METRNL: variants seen among roughly 807,000 people sequenced by gnomAD.
METRNL encodes the protein meteorin like, glial cell differentiation regulator.
In METRNL, 9 loss-of-function variants were observed where a neutral mutation model predicts 17.4. That is an observed-to-expected ratio of 0.52 (90% confidence interval 0.31 to 0.90). METRNL has a LOEUF of 0.90. Ranked by LOEUF, METRNL falls within the 40% of genes least tolerant of loss-of-function variation. The pLI, the probability that METRNL is intolerant of heterozygous loss-of-function variation, is 0.05. For synonymous variants in METRNL, 215 were observed against 199.3 expected, an observed-to-expected ratio of 1.08 and a Z score of -0.66; for missense variants, 408 against 430.7, an observed-to-expected ratio of 0.95 and a Z score of 0.47.
rs1204914516 is a variant in METRNL at position 83,081,310 on chromosome 17, C to T, written c.170+1325C>T. Among the ~76,000 whole-genome samples the T allele has an allele frequency of 2.0e-5, 3 of 152,272 alleles. No homozygotes were observed. In the Middle Eastern group the frequency reaches 0.01, roughly 525 times the overall value. The stretch of plus-strand genomic sequence containing the variant: ...GCCTCTGCCCGGCGGGTCGGTGCAT[C>T]CCCGAACCGAGGCCCGGGGCGTTCC... On this transcript the variant is annotated intron_variant, in intron 1 of 3. Coordinates refer to ENST00000320095, the MANE Select transcript of METRNL (RefSeq NM_001004431.3).
At chr17:83,091,932 G>A (rs1337029020) in intron 2 of METRNL, among the ~76,000 whole-genome samples, 4 of 152,220 alleles carry the variant, frequency 2.6e-5, no homozygotes, top group East Asian at 1.9e-4. Context: ...TTCCAAGTCC[G>A]TCCCGAGTGT....
In METRNL at chr17:83,085,346, G is replaced by C. The variant is rs199993039; in HGVS notation, c.556+23G>C. 16 of 1,512,342 alleles carry C rather than the reference G, an allele frequency of 1.1e-5. No homozygotes were observed. In the African/African-American group the frequency reaches 2.0e-4, roughly 18 times the overall value. 93.7% of individuals were successfully genotyped at this position (1,512,342 alleles called of 1,614,324 possible). The stretch of plus-strand genomic sequence containing the variant: ...CTGGTGAGTGTCCTGCCTGGGGCGG[G>C]GGCGGCGGGCCTCGTCATCACGGGG... On this transcript the variant is annotated intron_variant, in intron 2 of 3. Coordinates refer to ENST00000320095, the MANE Select transcript of METRNL (RefSeq NM_001004431.3).
In METRNL at chr17:83,094,655, G is replaced by C; in HGVS notation, c.*80G>C. ...TGCGGTCCTGGTGGGGCCGTGCGGT[G>C]AGGGCCGCGCGCTGGGAGCCGCATG... On this transcript the variant is annotated 3_prime_UTR_variant, in exon 4 of 4. Coordinates refer to ENST00000320095, the MANE Select transcript of METRNL (RefSeq NM_001004431.3). 4 of 1,220,934 alleles carry C rather than the reference G, an allele frequency of 3.3e-6. No homozygotes were observed. The highest frequency in any genetic ancestry group is 2.1e-5 in the South Asian group (1 of 48,072). The allele number at this position is 1,220,934 out of a possible 1,614,324, so 75.6% of individuals were successfully genotyped here. A position where few individuals can be genotyped will look rare whatever the true frequency, so the allele number is the denominator to read the frequency against.
At chr17:83,092,987 G>A (rs994851675) in intron 2 of METRNL, among the ~76,000 whole-genome samples, 180 bp from the exon 3 acceptor site, 3 of 152,128 alleles carry the variant, frequency 2.0e-5, no homozygotes, top group Admixed American at 6.5e-5. Context: ...CCGTGCTGCC[G>A]GCCCCTCCAG....
chr17:83,084,885 T>G, intron 1 of METRNL, 53 bp from the exon 2 acceptor site: 1 of 1,557,458 alleles, frequency 6.4e-7, no homozygotes. Flanking sequence ...TGGGTGCGGG[T>G]GGGGTGTGTG....
chr17:83,081,964 G>C (rs2037994557), intron 1 of METRNL: 1 of 439,652 alleles, frequency 2.3e-6, no homozygotes, highest in South Asian at 9.6e-5. Flanking sequence ...GGTGGAGCGA[G>C]CGCTGGTGTG....
In METRNL at chr17:83,090,779, C is replaced by T. The variant is rs185097745; in HGVS notation, c.557-2388C>T. ...CCCTGTGGTACGGGGCAGGTGCTGG[C>T]GTGCAGTCTCACCTGTGGAGGATAA... On this transcript the variant is annotated intron_variant, in intron 2 of 3. Coordinates refer to ENST00000320095, the MANE Select transcript of METRNL (RefSeq NM_001004431.3). Among the ~76,000 whole-genome samples the T allele has an allele frequency of 4.6e-3, 692 of 151,944 alleles. 4 individuals carry two copies. Among genetic ancestry groups the T allele is most frequent in the African/African-American group, 0.015 (624 of 41,476 alleles).
chr17:83,089,608 G>A (rs2038093219), intron 2 of METRNL, among the ~76,000 whole-genome samples: 4 of 143,246 alleles, frequency 2.8e-5, no homozygotes, highest in African/African-American at 1.0e-4. Flanking sequence ...CTCCCCCTCC[G>A]AGGAGGATGG....
At chr17:83,081,593 C>T (rs960903922) in intron 1 of METRNL, among the ~76,000 whole-genome samples, 4 of 152,116 alleles carry the variant, frequency 2.6e-5, no homozygotes, top group African/African-American at 7.2e-5. Context: ...ACCTGCGCAC[C>T]CTCCTGTCTA....
In METRNL at chr17:83,080,572, C is replaced by CG. The variant is rs965175929; in HGVS notation, c.170+587_170+588insG. ...CGCGCGCTGCGCTGGGCGACCCCCCCCCCCCCCACCCGCGGTGGCGGCCGA... is the reference window on the plus strand; with the variant it reads ...CGCGCGCTGCGCTGGGCGACCCCCCCGCCCCCCCACCCGCGGTGGCGGCCGA... On this transcript the variant is annotated intron_variant, in intron 1 of 3. Coordinates refer to ENST00000320095, the MANE Select transcript of METRNL (RefSeq NM_001004431.3). Among the ~76,000 whole-genome samples the CG allele has an allele frequency of 1.2e-4, 16 of 132,082 alleles. 4 individuals are homozygous for CG. In the East Asian group the frequency reaches 1.6e-3, roughly 13 times the overall value. The allele number at this position is 132,082 out of a possible 152,430, so 86.7% of individuals were successfully genotyped here. A position where few individuals can be genotyped will look rare whatever the true frequency, so the allele number is the denominator to read the frequency against.
intron 1 of METRNL, chr17:83,082,260 T>TG: frequency 1.0e-6 from 1 of 985,446 alleles, no homozygotes; most frequent in Non-Finnish European, 1.2e-6. Context: ...AACCTGCCAG[T>TG]GGGTTCGAAG....
At chr17:83,091,421 G>A (rs539458125) in intron 2 of METRNL, among the ~76,000 whole-genome samples, 80 of 152,298 alleles carry the variant, frequency 5.3e-4, no homozygotes, top group Middle Eastern at 3.4e-3. Flanking sequence ...TCCACCCTGC[G>A]GGGTCCACAA....
chr17:83,084,758 C>T (rs1568335750), intron 1 of METRNL, 180 bp from the exon 2 acceptor site: 7 of 703,796 alleles, frequency 9.9e-6, no homozygotes, highest in South Asian at 3.7e-5. Flanking sequence ...TGCCGAAGGG[C>T]GGAGATGGCG....
rs79856013 is a variant in METRNL at position 83,085,214 on chromosome 17, C to T, written c.447C>T (p.Gly149=). The stretch of plus-strand genomic sequence containing the variant: ...TGCAGTGTTTTGGCCTGGAGCAGGG[C>T]GGCCTGTTCGTGGAGGCCACGCCGC... ...GRVQCFGLEQ[G]GLFVEATPQQ... is the part of the protein sequence containing the mutation. The change falls in exon 2 of 4, where the codon GGC becomes GGT. Residue 149 remains glycine (G), a synonymous_variant. Transcript: ENST00000320095. 2,909 of 1,602,672 alleles carry T rather than the reference C, an allele frequency of 1.8e-3. 80 individuals carry two copies. In the East Asian group the frequency reaches 0.052, roughly 28 times the overall value.
chr17:83,087,775 C>G (rs1299039514), intron 2 of METRNL, among the ~76,000 whole-genome samples: 2 of 148,126 alleles, frequency 1.4e-5, no homozygotes, highest in African/African-American at 2.4e-5. Flanking sequence ...GCCAGCCCCG[C>G]CGAGCCTGAG....
At position 83,094,483 on chromosome 17, in the gene METRNL, C is replaced by G; in HGVS notation, c.844C>G (p.Leu282Val). 1.9e-6 allele frequency: 3 copies of G among 1,579,842 alleles called. No homozygotes were observed. Among genetic ancestry groups the G allele is most frequent in the Non-Finnish European group, 2.6e-6 (3 of 1,156,666 alleles). ...TGHMHFGEARLGCAPRFKDFQ... is the reference protein window; with the variant it reads ...TGHMHFGEARVGCAPRFKDFQ... ...CCACATGCACTTCGGGGAGGCGCGG[C>G]TCGGCTGTGCCCCACGCTTCAAGGA... Residue 282 changes from leucine to valine, a missense_variant, in exon 4 of 4, where the codon CTC (leucine) becomes GTC (valine). Leu to Val is a conservative substitution (Grantham distance 32). Coordinates refer to ENST00000320095, the MANE Select transcript of METRNL (RefSeq NM_001004431.3).
intron 1 of METRNL, chr17:83,082,179 C>T (rs999320860): frequency 3.8e-5 from 37 of 985,366 alleles, no homozygotes; most frequent in Admixed American, 1.8e-4. Flanking sequence ...TTCCCACTTG[C>T]TGTCAGCCCG....
At chr17:83,080,575 C>A (rs947273738) in intron 1 of METRNL, among the ~76,000 whole-genome samples, 2 of 133,024 alleles carry the variant, frequency 1.5e-5, no homozygotes, top group Non-Finnish European at 3.4e-5. Context: ...ACCCCCCCCC[C>A]CCCCACCCGC....
Position 83,094,824 on chromosome 17 carries a change from A to C in METRNL, c.*249A>C. The C allele has an allele frequency of 2.6e-6, 1 of 389,086 alleles. No individual in the cohort carries two copies. The highest frequency in any genetic ancestry group is 4.5e-6 in the Non-Finnish European group (1 of 220,464). 24.1% of individuals were successfully genotyped at this position (389,086 alleles called of 1,614,324 possible). A position where few individuals can be genotyped will look rare whatever the true frequency, so the allele number is the denominator to read the frequency against. On this transcript the variant is annotated 3_prime_UTR_variant, in exon 4 of 4. Transcript: ENST00000320095. ...AGTTATTATATTTTTTTTTGGTAAA[A>C]AAGAAATGTCCATAGGAAACAAATT...
Sources: gnomAD v4.1 joint callset for allele counts (sites outside exome capture counted in the v4.1 genomes callset) on GRCh38, gnomAD v4.1.1 for gene constraint, MANE v1.5 for transcripts, NCBI Gene and HGNC (gene_info 2026-07-23, HGNC 2026-07-21) for gene names.